The following RASAL2 variants were observed in gnomAD, a reference collection of about 807,000 sequenced individuals.
RASAL2 encodes the protein RAS protein activator like 2, also known as ras GTPase-activating protein nGAP.
Under a neutral mutation model 128.9 loss-of-function variants are expected in RASAL2, and 58 were observed. The observed-to-expected ratio is 0.45, with a 90% CI of 0.36 to 0.56. The LOEUF (loss-of-function observed/expected upper bound fraction) is 0.56, where lower values mean the gene tolerates loss of function less well. RASAL2 is among the 20% of genes least tolerant of loss of function. The probability of loss-of-function intolerance (pLI) is 0.00; values close to 1 mark genes in which losing one functional copy is unlikely to be tolerated. For synonymous variants in RASAL2, 561 were observed against 580.8 expected (o/e 0.97, Z 0.49); for missense variants, 1,360 against 1,601.6 (o/e 0.85, Z 2.57).
intron 1 of RASAL2, among the ~76,000 whole-genome samples, chr1:178,187,589 C>A (rs1011511335): frequency 7.2e-5 from 11 of 152,110 alleles, no homozygotes; most frequent in Admixed American, 2.0e-4. Context: ...AAAAAGTTCA[C>A]AAAAGGTGAA....
intron 3 of RASAL2, among the ~76,000 whole-genome samples, chr1:178,308,586 G>A (rs1668103795): frequency 6.7e-6 from 1 of 148,272 alleles, no homozygotes. Context: ...TGTTGCCCAG[G>A]CTAGATTACA....
chr1:178,420,050 C>T (rs1659978979), intron 4 of RASAL2, among the ~76,000 whole-genome samples: 2 of 152,264 alleles, frequency 1.3e-5, no homozygotes, highest in South Asian at 2.1e-4. Flanking sequence ...TTTAATTCCT[C>T]CAATGCGCCA....
intron 1 of RASAL2, among the ~76,000 whole-genome samples, chr1:178,246,772 A>C (rs949581840): frequency 1.3e-5 from 2 of 152,132 alleles, no homozygotes; most frequent in African/African-American, 2.4e-5. Flanking sequence ...AGTTTTTAGC[A>C]TGAAGGGGTT....
intron 1 of RASAL2, among the ~76,000 whole-genome samples, chr1:178,215,567 A>G (rs997717427): frequency 2.6e-5 from 4 of 152,222 alleles, no homozygotes; most frequent in South Asian, 4.1e-4. Flanking sequence ...TGTCTGTGTG[A>G]CTATAAAAGT....
At chr1:178,337,517 CTG>C (rs1214324304) in intron 3 of RASAL2, among the ~76,000 whole-genome samples, 4 of 152,044 alleles carry the variant, frequency 2.6e-5, no homozygotes, top group Non-Finnish European at 1.5e-5. Context: ...TGAAAAGACA[CTG>C]TGTTTATGGT....
intron 1 of RASAL2, among the ~76,000 whole-genome samples, chr1:178,245,122 T>C (rs1239164411): frequency 1.3e-5 from 2 of 152,222 alleles, no homozygotes; most frequent in African/African-American, 4.8e-5. Flanking sequence ...AAATGGTATT[T>C]CTGGTTCTAG....
At chr1:178,123,565 C>T (rs1659788830) in intron 1 of RASAL2, among the ~76,000 whole-genome samples, 1 of 152,196 alleles carries the variant, frequency 6.6e-6, no homozygotes, top group South Asian at 2.1e-4. Context: ...TTTGTGGTCC[C>T]CACTTCACTG....
chr1:178,276,047 C>G (rs1473643832), intron 1 of RASAL2, among the ~76,000 whole-genome samples: 1 of 152,178 alleles, frequency 6.6e-6, no homozygotes, highest in Non-Finnish European at 1.5e-5. Context: ...ATGACTATAT[C>G]TTAAACATAT....
At chr1:178,235,252 G>A (rs1349863471) in intron 1 of RASAL2, among the ~76,000 whole-genome samples, 1 of 152,236 alleles carries the variant, frequency 6.6e-6, no homozygotes, top group African/African-American at 2.4e-5. Flanking sequence ...GTTAGCATGT[G>A]TGCATTTGAT....
chr1:178,442,468 A>G (rs1326729283), intron 7 of RASAL2, among the ~76,000 whole-genome samples: 1 of 152,082 alleles, frequency 6.6e-6, no homozygotes, highest in African/African-American at 2.4e-5. Flanking sequence ...TATATAATAT[A>G]TATAATGAAC....
At chr1:178,158,428 T>A (rs567138950) in intron 1 of RASAL2, among the ~76,000 whole-genome samples, 1 of 152,212 alleles carries the variant, frequency 6.6e-6, no homozygotes, top group Non-Finnish European at 1.5e-5. Context: ...ACATAGCAAG[T>A]ACTCCATGAA....
chr1:178,103,480 G>T (rs1310365028), intron 1 of RASAL2, among the ~76,000 whole-genome samples: 2 of 151,994 alleles, frequency 1.3e-5, no homozygotes, highest in Non-Finnish European at 2.9e-5. Context: ...TACTTCGCCC[G>T]CAATATATGA....
At chr1:178,447,652 CAA>C (rs1353997054) in intron 9 of RASAL2, among the ~76,000 whole-genome samples, 1 of 83,528 alleles carries the variant, frequency 1.2e-5, no homozygotes, top group Middle Eastern at 0.015. Flanking sequence ...GCCTGGGAGA[CAA>C]GAGCAAAACT....
At chr1:178,153,485 A>G (rs1660979706) in intron 1 of RASAL2, among the ~76,000 whole-genome samples, 2 of 152,180 alleles carry the variant, frequency 1.3e-5, no homozygotes, top group South Asian at 4.1e-4. Context: ...TCACCCCCAG[A>G]TGTAGACAAC....
At chr1:178,110,080 T>G (rs1324310482) in intron 1 of RASAL2, among the ~76,000 whole-genome samples, 2 of 152,172 alleles carry the variant, frequency 1.3e-5, no homozygotes, top group African/African-American at 4.8e-5. Flanking sequence ...TACACATCTT[T>G]AAAGTGTAAT....
chr1:178,294,302 T>G (rs1279317400), intron 2 of RASAL2, among the ~76,000 whole-genome samples: 1 of 151,970 alleles, frequency 6.6e-6, no homozygotes, highest in East Asian at 1.9e-4. Flanking sequence ...CCCCACATAC[T>G]TCCATACACA....
intron 3 of RASAL2, chr1:178,341,594 C>G (rs528562222): frequency 1.9e-6 from 3 of 1,613,882 alleles, no homozygotes; most frequent in Middle Eastern, 1.6e-4. Flanking sequence ...AAACTTCACA[C>G]GATGCAGACC....
At chr1:178,359,782 A>T (rs185522981) in intron 3 of RASAL2, among the ~76,000 whole-genome samples, 1 of 152,126 alleles carries the variant, frequency 6.6e-6, no homozygotes, top group Admixed American at 6.5e-5. Flanking sequence ...TAAACCTTTG[A>T]TGTTACTGTT....
chr1:178,389,205 T>G, intron 3 of RASAL2: 1 of 895,942 alleles, frequency 1.1e-6, no homozygotes, highest in African/African-American at 1.8e-5. Flanking sequence ...AGGATGTGGC[T>G]TTTTTTTCCT....
Sources: allele counts gnomAD v4.1 joint callset (sites outside exome capture counted in the v4.1 genomes callset), GRCh38; gene constraint gnomAD v4.1.1; transcripts MANE v1.5; gene names NCBI Gene and HGNC (gene_info 2026-07-23, HGNC 2026-07-21).